Variants in RPS6KA1 observed in about 807,000 individuals in gnomAD.
RPS6KA1 encodes the protein ribosomal protein S6 kinase A1.
A neutral mutation model predicts 91.3 loss-of-function variants in RPS6KA1; 48 were observed. The ratio of observed to expected loss-of-function variants is 0.53; its 90% CI spans 0.42 to 0.67. RPS6KA1 has a LOEUF of 0.67. Among genes scored for constraint, RPS6KA1 ranks in the 30% least tolerant of loss-of-function variants. RPS6KA1 has a pLI of 0.00. For synonymous variants in RPS6KA1, 359 were observed against 384.7 expected, an observed-to-expected ratio of 0.93 and a Z score of 0.78; for missense variants, 719 against 960.5, an observed-to-expected ratio of 0.75 and a Z score of 3.32.
rs2076153232 is a variant in RPS6KA1, at chr1:26,561,432, T to C, written c.1432-73T>C. 3 of 1,590,732 alleles carry C rather than the reference T, an allele frequency of 1.9e-6. No individual in the cohort carries two copies. The highest frequency in any genetic ancestry group is 2.7e-5 in the African/African-American group (2 of 74,428). ...CAAGGCTCATGTCATTCTTCCCTGC[T>C]CTGGGGCGCTGCTGACCAGGGGGCT... On this transcript the variant is annotated intron_variant, in intron 16 of 21. Coordinates refer to ENST00000374168, the MANE Select transcript of RPS6KA1 (RefSeq NM_002953.4). This position sits in a 1 kb window ranked among gnomAD's most constrained non-coding sequence, Gnocchi z 5.7.
chr1:26,554,148 C>G lies in RPS6KA1; in HGVS notation c.576-66C>G. On this transcript the variant is annotated intron_variant, in intron 7 of 21. Transcript: ENST00000374168. The surrounding 1 kb of genome is among the most constrained non-coding windows in gnomAD (Gnocchi z 4.6). ...TGGGCTGAACCCAACTCCCACAGCC[C>G]TGTGGTAACACCATCACCCACACGG... 2 of 1,507,352 alleles carry G rather than the reference C, an allele frequency of 1.3e-6. No homozygotes were observed. The highest frequency in any genetic ancestry group is 1.8e-6 in the Non-Finnish European group (2 of 1,110,876). 93.4% of individuals were successfully genotyped at this position (1,507,352 alleles called of 1,614,324 possible).
chr1:26,545,805 G>A (rs2075989289), intron 2 of RPS6KA1: 5 of 1,406,662 alleles, frequency 3.6e-6, no homozygotes, highest in Admixed American at 3.2e-5. Context: ...CCCAGCCCCC[G>A]CCCTTACCCT....
chr1:26,546,252 G>A (rs944739205), intron 2 of RPS6KA1, among the ~76,000 whole-genome samples: 3 of 152,242 alleles, frequency 2.0e-5, no homozygotes, highest in Non-Finnish European at 4.4e-5. Context: ...TAGAGTCCTG[G>A]AAAGGCTAGG....
At chr1:26,532,146 C>T (rs2075872387) in intron 1 of RPS6KA1, among the ~76,000 whole-genome samples, 1 of 152,078 alleles carries the variant, frequency 6.6e-6, no homozygotes, top group Non-Finnish European at 1.5e-5. Flanking sequence ...CAGGGCCTGG[C>T]CCAGGGTGCA....
intron 7 of RPS6KA1, 196 bp downstream of exon 7, chr1:26,553,693 C>G: frequency 2.6e-6 from 1 of 380,046 alleles, no homozygotes; most frequent in Admixed American, 4.2e-5. Flanking sequence ...GGGCCAGGTA[C>G]TTTGCATGCA....
rs989808998 is a variant in RPS6KA1 at position 26,554,120 on chromosome 1, C to G, written c.576-94C>G. 1.5e-6 allele frequency: 2 copies of G among 1,364,926 alleles called. No homozygotes were observed. The highest frequency in any genetic ancestry group is 2.1e-5 in the Admixed American group (1 of 47,564). 84.6% of individuals were successfully genotyped at this position (1,364,926 alleles called of 1,614,324 possible). ...CAGAGAGAATTGGGTGGAGCACCTCCTCTGGGCTGAACCCAACTCCCACAG... is the reference window on the plus strand; with the variant it reads ...CAGAGAGAATTGGGTGGAGCACCTCGTCTGGGCTGAACCCAACTCCCACAG... On this transcript the variant is annotated intron_variant, in intron 7 of 21. Coordinates refer to ENST00000374168, the MANE Select transcript of RPS6KA1 (RefSeq NM_002953.4). This position sits in a 1 kb window ranked among gnomAD's most constrained non-coding sequence, Gnocchi z 4.6.
chr1:26,546,411 C>T (rs1222966206), intron 2 of RPS6KA1, among the ~76,000 whole-genome samples: 1 of 152,188 alleles, frequency 6.6e-6, no homozygotes, highest in Non-Finnish European at 1.5e-5. Flanking sequence ...TTGTGCACGT[C>T]AGCCCTGTCC....
chr1:26,551,587 G>T lies in RPS6KA1; in HGVS notation c.389-57G>T. 1.9e-6 allele frequency: 3 copies of T among 1,601,836 alleles called. No homozygotes were observed. The highest frequency in any genetic ancestry group is 2.6e-6 in the Non-Finnish European group (3 of 1,168,826). ...TGGCAGGCCAAGGGAGCCAGGGCCGGAGAAGCAGATCATAAGGCCGCGCCG... is the reference window on the plus strand; with the variant it reads ...TGGCAGGCCAAGGGAGCCAGGGCCGTAGAAGCAGATCATAAGGCCGCGCCG... On this transcript the variant is annotated intron_variant, in intron 5 of 21. Transcript: ENST00000374168. This position sits in a 1 kb window ranked among gnomAD's most constrained non-coding sequence, Gnocchi z 4.5.
Position 26,551,842 on chromosome 1 carries a change from C to T in RPS6KA1, c.468+119C>T. On this transcript the variant is annotated intron_variant, in intron 6 of 21. Transcript: ENST00000374168. This position sits in a 1 kb window ranked among gnomAD's most constrained non-coding sequence, Gnocchi z 4.5. ...TGGCTTGAACCTGGAACCACCCAGG[C>T]CTGCCTAGCAGCCCCTGGCCCAGGA... 2.3e-6 allele frequency: 2 copies of T among 855,432 alleles called. No individual in the cohort carries two copies. The highest frequency in any genetic ancestry group is 2.6e-5 in the East Asian group (1 of 38,536). 53.0% of individuals were successfully genotyped at this position (855,432 alleles called of 1,614,324 possible).
intron 1 of RPS6KA1, chr1:26,531,043 C>T: frequency 2.2e-6 from 1 of 455,948 alleles, no homozygotes; most frequent in Non-Finnish European, 3.2e-6. Flanking sequence ...CCCTCTCTTA[C>T]CTAGGGCAGC....
intron 17 of RPS6KA1, among the ~76,000 whole-genome samples, chr1:26,562,825 C>CATT (rs1553133561): frequency 2.5e-5 from 2 of 81,444 alleles, no homozygotes; most frequent in African/African-American, 1.0e-4. Context: ...TCCTATTGTC[C>CATT]TTTTTTTTTT....
chr1:26,550,431 C>A (rs2076039645), intron 4 of RPS6KA1, among the ~76,000 whole-genome samples: 1 of 151,886 alleles, frequency 6.6e-6, no homozygotes, highest in South Asian at 2.1e-4. Context: ...ATCTGCCTGC[C>A]TCGGCCTCCC....
Position 26,549,918 on chromosome 1 carries a change from T to C in RPS6KA1, c.308-1479T>C, listed in dbSNP as rs191533529. Among the ~76,000 whole-genome samples, 553 of 150,634 alleles carry C rather than the reference T, an allele frequency of 3.7e-3. 8 individuals are homozygous for C. The highest frequency in any genetic ancestry group is 9.7e-3 in the East Asian group (49 of 5,058). Reference sequence around the variant, plus strand: ...TTTTGAGACGGAGTTTCACTCTCGTTGCCCAGACTGGAGTGCAATGGTGCA... The same window carrying C: ...TTTTGAGACGGAGTTTCACTCTCGTCGCCCAGACTGGAGTGCAATGGTGCA... On this transcript the variant is annotated intron_variant, in intron 4 of 21. Transcript: ENST00000374168.
intron 1 of RPS6KA1, among the ~76,000 whole-genome samples, chr1:26,530,577 T>TG (rs1022829281): frequency 1.3e-5 from 2 of 151,906 alleles, no homozygotes; most frequent in African/African-American, 2.4e-5. Context: ...GAGACGAGAG[T>TG]GGGGAAGAGC....
At chr1:26,530,928 GT>G in intron 1 of RPS6KA1, 1 of 1,221,210 alleles carries the variant, frequency 8.2e-7, no homozygotes, top group Non-Finnish European at 1.1e-6. Context: ...CCAGGTGGTT[GT>G]TGGGGGTATG....
rs761167430 is a variant in RPS6KA1 at position 26,551,655 on chromosome 1, G to A, written c.400G>A (p.Glu134Lys). 6.2e-6 allele frequency: 10 copies of A among 1,614,130 alleles called. No individual in the cohort carries two copies. Among genetic ancestry groups the A allele is most frequent in the Non-Finnish European group, 4.2e-6 (5 of 1,179,988 alleles). ...CTCCCTCTTCCCAGCCTTCCAGACCGAGGGCAAGCTCTATCTCATTCTGGA... is the reference window on the plus strand; with the variant it reads ...CTCCCTCTTCCCAGCCTTCCAGACCAAGGGCAAGCTCTATCTCATTCTGGA... Reference protein sequence around the residue: ...VVKLHYAFQTEGKLYLILDFL... With the variant: ...VVKLHYAFQTKGKLYLILDFL... The change falls in exon 6 of 22, where the codon GAG (glutamate) becomes AAG (lysine). Residue 134 changes from glutamate (E) to lysine (K), a missense_variant. This residue lies in a region of RPS6KA1 where 159 missense variants were observed against 264.5 expected (regional missense o/e 0.60). Transcript: ENST00000374168. The surrounding 1 kb of genome is among the most constrained non-coding windows in gnomAD (Gnocchi z 4.5).
intron 17 of RPS6KA1, among the ~76,000 whole-genome samples, chr1:26,570,848 C>T (rs183878569): frequency 5.9e-5 from 9 of 152,260 alleles, no homozygotes; most frequent in Admixed American, 3.3e-4. Context: ...TAGGGCCAGG[C>T]GTGGTGGCTC....
At chr1:26,531,956 A>G (rs1472411857) in intron 1 of RPS6KA1, among the ~76,000 whole-genome samples, 1 of 152,162 alleles carries the variant, frequency 6.6e-6, no homozygotes, top group Non-Finnish European at 1.5e-5. Context: ...CGCTGTTCTT[A>G]GCCCAGGTGA....
At chr1:26,536,370 A>G (rs2075906730) in intron 1 of RPS6KA1, among the ~76,000 whole-genome samples, 1 of 152,170 alleles carries the variant, frequency 6.6e-6, no homozygotes, top group Non-Finnish European at 1.5e-5. Context: ...TGGAGGCAGC[A>G]GTCATTCTGC....
Sources: gnomAD v4.1 joint callset for allele counts (sites outside exome capture counted in the v4.1 genomes callset) on GRCh38, gnomAD v4.1.1 for gene constraint, gnomAD v4.1.1 regional missense constraint, Gnocchi (gnomAD v3.1) non-coding constraint, MANE v1.5 for transcripts, NCBI Gene and HGNC (gene_info 2026-07-23, HGNC 2026-07-21) for gene names.